Variants in CPED1 observed in about 807,000 individuals in gnomAD.
CPED1 encodes the protein cadherin-like and PC-esterase domain-containing protein 1.
CPED1 carries 114 observed loss-of-function variants against 128.2 expected under a neutral mutation model. The ratio of observed to expected loss-of-function variants is 0.89; its 90% CI spans 0.76 to 1.04. The LOEUF (loss-of-function observed/expected upper bound fraction) is 1.04. Among genes scored for constraint, CPED1 ranks in the 50% least tolerant of loss-of-function variants. CPED1 has a pLI of 0.00. For synonymous variants in CPED1, 462 were observed against 426.7 expected, an observed-to-expected ratio of 1.08 and a Z score of -1.02; for missense variants, 1,211 against 1,207.1, an observed-to-expected ratio of 1.00 and a Z score of -0.05.
chr7:121,121,295 A>G lies in CPED1; in HGVS notation c.919-3036A>G, dbSNP rs560030614. Among the ~76,000 whole-genome samples the G allele has an allele frequency of 4.6e-5, 7 of 152,330 alleles. No homozygotes were observed. The East Asian group carries it at 1.4e-3, about 29-fold the overall frequency. On this transcript the variant is annotated intron_variant, in intron 7 of 22. Coordinates refer to ENST00000310396, the MANE Select transcript of CPED1 (RefSeq NM_024913.5). Reference sequence around the variant, plus strand: ...TTTAATTAATTGAAAATTTAAGTCCATCCACTTGTATCTGAATAAGTTGCT... The same window carrying G: ...TTTAATTAATTGAAAATTTAAGTCCGTCCACTTGTATCTGAATAAGTTGCT...
chr7:121,023,143 A>G (rs1792486157), intron 3 of CPED1, among the ~76,000 whole-genome samples: 4 of 152,138 alleles, frequency 2.6e-5, no homozygotes, highest in Non-Finnish European at 5.9e-5. Flanking sequence ...TTATTTACGT[A>G]TACTTCAAGA....
At chr7:120,996,017 A>G (rs991841387) in intron 2 of CPED1, among the ~76,000 whole-genome samples, 2 of 150,904 alleles carry the variant, frequency 1.3e-5, no homozygotes, top group Admixed American at 6.6e-5. Flanking sequence ...GGTGGCTCAC[A>G]TCTGTAATCC....
At chr7:121,022,410 T>C (rs1040509613) in intron 3 of CPED1, among the ~76,000 whole-genome samples, 1 of 152,020 alleles carries the variant, frequency 6.6e-6, no homozygotes, top group Non-Finnish European at 1.5e-5. Flanking sequence ...TTTTGAGTAC[T>C]TGTGTCCATT....
intron 7 of CPED1, among the ~76,000 whole-genome samples, chr7:121,101,609 A>G (rs1794852239): frequency 6.6e-6 from 1 of 152,124 alleles, no homozygotes; most frequent in South Asian, 2.1e-4. Flanking sequence ...GGAACACGTG[A>G]GGCTGGGAAA....
intron 3 of CPED1, among the ~76,000 whole-genome samples, chr7:121,016,478 G>T (rs149210135): frequency 1.3e-5 from 2 of 152,112 alleles, no homozygotes; most frequent in Non-Finnish European, 2.9e-5. Context: ...TGTATTCATG[G>T]TCACATTTAA....
At chr7:121,021,623 G>GTATAAGCA (rs1360489455) in intron 3 of CPED1, among the ~76,000 whole-genome samples, 9 of 151,968 alleles carry the variant, frequency 5.9e-5, no homozygotes, top group Admixed American at 1.3e-4. Flanking sequence ...AAATTAAAAA[G>GTATAAGCA]TATAAGCATT....
At chr7:121,112,262 C>T (rs1006681688) in intron 7 of CPED1, among the ~76,000 whole-genome samples, 23 of 152,108 alleles carry the variant, frequency 1.5e-4, no homozygotes, top group Admixed American at 9.2e-4. Flanking sequence ...CTTGTTTGGA[C>T]AAAGGGCCTT....
At chr7:120,991,746 G>A (rs1796312571) in intron 2 of CPED1, among the ~76,000 whole-genome samples, 1 of 152,082 alleles carries the variant, frequency 6.6e-6, no homozygotes, top group African/African-American at 2.4e-5. Flanking sequence ...ATTCACTTGA[G>A]AATTTTCTTC....
At chr7:120,999,783 AAT>A (rs1199699224) in intron 2 of CPED1, among the ~76,000 whole-genome samples, 1 of 152,194 alleles carries the variant, frequency 6.6e-6, no homozygotes, top group African/African-American at 2.4e-5. Context: ...TTTATAATGA[AAT>A]ATGCATATGG....
At chr7:121,192,888 G>A (rs1166976011) in intron 16 of CPED1, among the ~76,000 whole-genome samples, 2 of 152,118 alleles carry the variant, frequency 1.3e-5, no homozygotes, top group Non-Finnish European at 2.9e-5. Context: ...GAGAAGCAGA[G>A]CACTTCCCCA....
chr7:121,256,120 AAAAC>A (rs1477110157), intron 18 of CPED1, among the ~76,000 whole-genome samples: 1 of 40,214 alleles, frequency 2.5e-5, no homozygotes, highest in African/African-American at 4.2e-5. Flanking sequence ...GCAAAAAAAA[AAAAC>A]AAAACAAAAA....
intron 5 of CPED1, among the ~76,000 whole-genome samples, chr7:121,075,461 G>T (rs1755669664): frequency 1.3e-5 from 2 of 151,946 alleles, no homozygotes; most frequent in Non-Finnish European, 2.9e-5. Context: ...ATGTTCATGT[G>T]TATAAGTTTT....
chr7:121,282,347 AGT>A (rs764829438), intron 22 of CPED1, among the ~76,000 whole-genome samples: 5 of 152,158 alleles, frequency 3.3e-5, no homozygotes, highest in Non-Finnish European at 7.4e-5. Context: ...TTTCTTTCAA[AGT>A]CACATTCCAG....
At chr7:121,180,032 CT>C (rs1181864579) in intron 16 of CPED1, among the ~76,000 whole-genome samples, 2 of 151,974 alleles carry the variant, frequency 1.3e-5, no homozygotes, top group African/African-American at 4.8e-5. Context: ...TATTGTATGA[CT>C]TTCACAAAGT....
chr7:121,177,774 T>A (rs1050949545), intron 16 of CPED1, among the ~76,000 whole-genome samples: 2 of 152,064 alleles, frequency 1.3e-5, no homozygotes, highest in African/African-American at 4.8e-5. Context: ...GCTATGCTTC[T>A]TTCCCCCTTT....
intron 18 of CPED1, among the ~76,000 whole-genome samples, chr7:121,263,625 G>A (rs180850083): frequency 2.6e-5 from 4 of 152,074 alleles, no homozygotes; most frequent in East Asian, 3.9e-4. Context: ...GACATGCTTT[G>A]GTGGGCTGCC....
chr7:121,196,248 G>A (rs960321353), intron 16 of CPED1, among the ~76,000 whole-genome samples: 1 of 151,948 alleles, frequency 6.6e-6, no homozygotes, highest in Non-Finnish European at 1.5e-5. Context: ...GAGCTGGGGG[G>A]AATTGAAACT....
intron 4 of CPED1, chr7:121,050,262 C>T (rs372877267): frequency 6.6e-6 from 1 of 152,286 alleles, no homozygotes; most frequent in African/African-American, 2.4e-5. Flanking sequence ...ATTCTGCTTA[C>T]CTGGATTTTA....
intron 2 of CPED1, among the ~76,000 whole-genome samples, chr7:121,002,397 C>A (rs1199035434): frequency 6.6e-6 from 1 of 152,154 alleles, no homozygotes; most frequent in Non-Finnish European, 1.5e-5. Context: ...CCCTACTGGA[C>A]ACACCCAGAG....
Sources: allele counts gnomAD v4.1 joint callset (sites outside exome capture counted in the v4.1 genomes callset), GRCh38; gene constraint gnomAD v4.1.1; transcripts MANE v1.5; gene names NCBI Gene and HGNC (gene_info 2026-07-23, HGNC 2026-07-21).